The following BTBD9 variants were observed in gnomAD, a reference collection of about 807,000 sequenced individuals.
BTBD9 encodes BTB/POZ domain-containing protein 9.
In BTBD9, 49 loss-of-function variants were observed where a neutral mutation model predicts 64.3. The ratio of observed to expected loss-of-function variants is 0.76; its 90% confidence interval spans 0.61 to 0.97. The LOEUF (loss-of-function observed/expected upper bound fraction) is 0.97, where lower values mean the gene tolerates loss of function less well. Among genes scored for constraint, BTBD9 ranks in the 50% least tolerant of loss-of-function variants. The pLI is 0.00. For synonymous variants in BTBD9, 260 were observed against 274.7 expected (o/e 0.95, Z 0.53); for missense variants, 598 against 762.1 (o/e 0.78, Z 2.53).
chr6:38,471,147 G>GT (rs75842460), intron 6 of BTBD9, among the ~76,000 whole-genome samples: 5,881 of 152,190 alleles, frequency 0.039, 222 homozygotes, highest in East Asian at 0.13. Context: ...CTTTAAATAA[G>GT]TTGTAAGGTA....
intron 6 of BTBD9, among the ~76,000 whole-genome samples, chr6:38,467,232 A>T (rs1267002970): frequency 6.6e-6 from 1 of 152,158 alleles, no homozygotes; most frequent in African/African-American, 2.4e-5. Flanking sequence ...ATCTCATTCT[A>T]TTTTTGTCCC....
chr6:38,261,095 A>C (rs975669489), intron 8 of BTBD9, among the ~76,000 whole-genome samples: 1 of 150,844 alleles, frequency 6.6e-6, no homozygotes, highest in Non-Finnish European at 1.5e-5. Flanking sequence ...GCACACCACC[A>C]CGCCCAGCTG....
intron 6 of BTBD9, among the ~76,000 whole-genome samples, chr6:38,374,310 T>TATATATAC (rs1562095677): frequency 1.9e-5 from 2 of 102,876 alleles, no homozygotes; most frequent in Admixed American, 1.0e-4. Context: ...TATATATGTA[T>TATATATAC]ATATATATAT....
At chr6:38,298,289 A>G (rs1409427630) in intron 7 of BTBD9, among the ~76,000 whole-genome samples, 1 of 152,174 alleles carries the variant, frequency 6.6e-6, no homozygotes, top group African/African-American at 2.4e-5. Context: ...CAAGCATACC[A>G]GATTTAATAA....
chr6:38,180,909 G>T, intron 10 of BTBD9, among the ~76,000 whole-genome samples: 1 of 152,326 alleles, frequency 6.6e-6, no homozygotes, highest in Admixed American at 6.5e-5. Flanking sequence ...GTCCTTTTCT[G>T]TAGCTGCTGT....
intron 8 of BTBD9, among the ~76,000 whole-genome samples, chr6:38,281,553 G>A (rs1761514357): frequency 6.6e-6 from 1 of 152,068 alleles, no homozygotes; most frequent in South Asian, 2.1e-4. Flanking sequence ...TTTTTAAAGT[G>A]GTAGAATTGT....
chr6:38,597,770 G>T, intron 2 of BTBD9, 140 bp downstream of exon 2: 1 of 718,598 alleles, frequency 1.4e-6, no homozygotes, highest in Non-Finnish European at 2.3e-6. Context: ...AAGTCTACAA[G>T]GATGAAATCT....
Position 38,374,287 on chromosome 6 carries a change from ATATATATATG to A in BTBD9, c.1155-29204_1155-29195del, listed in dbSNP as rs1216166703. Among the ~76,000 whole-genome samples, 9 of 69,250 alleles carry A rather than the reference ATATATATATG, an allele frequency of 1.3e-4. 1 individual carries two copies. The highest frequency in any genetic ancestry group is 2.1e-4 in the Non-Finnish European group (9 of 43,340). The allele number at this position is 69,250 out of a possible 152,430, so 45.4% of individuals were successfully genotyped here. On this transcript the variant is annotated intron_variant, in intron 6 of 10. Transcript: ENST00000481247. ...TTGTGTCGAAAAAAAAAAAAAGTAT[ATATATATATG>A]TATATATATGTATATATATATATAT...
intron 6 of BTBD9, among the ~76,000 whole-genome samples, chr6:38,417,012 C>T (rs971342107): frequency 5.9e-5 from 9 of 152,158 alleles, no homozygotes; most frequent in African/African-American, 2.2e-4. Context: ...TCACAGCTCA[C>T]CGTAACCTTG....
intron 9 of BTBD9, among the ~76,000 whole-genome samples, chr6:38,201,019 A>G (rs6458046): frequency 1.3e-5 from 2 of 151,474 alleles, no homozygotes; most frequent in South Asian, 4.2e-4. Context: ...GACCCTGTCT[A>G]TAAAAAAAAT....
chr6:38,626,004 C>T (rs1418128591), intron 1 of BTBD9, among the ~76,000 whole-genome samples: 1 of 152,204 alleles, frequency 6.6e-6, no homozygotes, highest in Admixed American at 6.5e-5. Flanking sequence ...AGAGGAATCA[C>T]CTAACCCCAA....
chr6:38,245,629 A>G (rs1011271384), intron 9 of BTBD9, among the ~76,000 whole-genome samples: 2 of 152,180 alleles, frequency 1.3e-5, no homozygotes, highest in Admixed American at 1.3e-4. Context: ...GGTCCTAAGC[A>G]GGACGATACT....
chr6:38,387,962 C>T (rs890176438), intron 6 of BTBD9, among the ~76,000 whole-genome samples: 1 of 152,148 alleles, frequency 6.6e-6, no homozygotes, highest in Non-Finnish European at 1.5e-5. Flanking sequence ...TGCATGTACT[C>T]ACTTCACACT....
At chr6:38,541,609 G>A (rs763467842) in intron 6 of BTBD9, among the ~76,000 whole-genome samples, 2 of 152,142 alleles carry the variant, frequency 1.3e-5, no homozygotes, top group Non-Finnish European at 2.9e-5. Context: ...ATGGTGGCAC[G>A]TGCCTGTAGT....
intron 6 of BTBD9, among the ~76,000 whole-genome samples, chr6:38,556,033 T>C (rs138005583): frequency 1.4e-3 from 214 of 152,314 alleles, no homozygotes; most frequent in Non-Finnish European, 2.5e-3. Context: ...TTTTATACTA[T>C]GATTACTTCT....
chr6:38,322,377 A>G (rs1424085320), intron 7 of BTBD9, among the ~76,000 whole-genome samples: 5 of 152,180 alleles, frequency 3.3e-5, no homozygotes, highest in Admixed American at 3.3e-4. Context: ...TGTTTTTGTC[A>G]GCTGTGACTT....
At chr6:38,536,150 A>C (rs1369041098) in intron 6 of BTBD9, among the ~76,000 whole-genome samples, 2 of 152,164 alleles carry the variant, frequency 1.3e-5, no homozygotes, top group Non-Finnish European at 2.9e-5. Flanking sequence ...CTCTCTAAGA[A>C]AAAAATCTAA....
intron 6 of BTBD9, among the ~76,000 whole-genome samples, chr6:38,494,535 T>C (rs1213990639): frequency 6.6e-6 from 1 of 152,254 alleles, no homozygotes; most frequent in East Asian, 1.9e-4. Context: ...AGAGTAAGAT[T>C]ATACAAATTA....
At chr6:38,490,185 G>A (rs1037689754) in intron 6 of BTBD9, among the ~76,000 whole-genome samples, 5 of 152,168 alleles carry the variant, frequency 3.3e-5, no homozygotes, top group Admixed American at 1.3e-4. Flanking sequence ...GAGTCAGGAG[G>A]CCCAGATGCT....
Sources: gnomAD v4.1 joint callset for allele counts (sites outside exome capture counted in the v4.1 genomes callset) on GRCh38, gnomAD v4.1.1 for gene constraint, MANE v1.5 for transcripts, NCBI Gene and HGNC (gene_info 2026-07-23, HGNC 2026-07-21) for gene names.